CNIH3: variants seen among roughly 807,000 people sequenced by gnomAD.
CNIH3 encodes protein cornichon homolog 3.
A neutral mutation model predicts 24.1 loss-of-function variants in CNIH3; 14 were observed. That is an observed-to-expected ratio of 0.58 (90% CI 0.38 to 0.91). CNIH3 has a LOEUF of 0.91. CNIH3 is among the 40% of genes least tolerant of loss of function. The pLI, the probability that CNIH3 is intolerant of heterozygous loss-of-function variation, is 0.00. For missense variants in CNIH3, 178 were observed against 196.8 expected, an observed-to-expected ratio of 0.90 and a Z score of 0.57; for synonymous variants, 68 against 73.8, an observed-to-expected ratio of 0.92 and a Z score of 0.40.
chr1:224,700,777 C>T (rs923460693), intron 3 of CNIH3, among the ~76,000 whole-genome samples: 1 of 152,156 alleles, frequency 6.6e-6, no homozygotes, highest in African/African-American at 2.4e-5. Context: ...GAGCCTGTCC[C>T]CTGGACCTAG....
At chr1:224,670,371 C>T (rs748000354) in intron 1 of CNIH3, among the ~76,000 whole-genome samples, 109 of 152,280 alleles carry the variant, frequency 7.2e-4, no homozygotes, top group Middle Eastern at 3.4e-3. Flanking sequence ...TCCTGACCAG[C>T]GGCTCTCCTC....
At chr1:224,708,147 G>GT (rs1217477051) in intron 3 of CNIH3, among the ~76,000 whole-genome samples, 1 of 152,074 alleles carries the variant, frequency 6.6e-6, no homozygotes, top group African/African-American at 2.4e-5. Flanking sequence ...ATGCTCTTGA[G>GT]TAAGTGGAGG....
intron 1 of CNIH3, among the ~76,000 whole-genome samples, chr1:224,678,038 C>T (rs986880962): frequency 3.3e-5 from 5 of 152,146 alleles, no homozygotes; most frequent in South Asian, 2.1e-4. Flanking sequence ...CTTGGTCCCG[C>T]TTGGTCTACA....
At chr1:224,731,091 G>C (rs1689302127) in intron 4 of CNIH3, among the ~76,000 whole-genome samples, 1 of 152,174 alleles carries the variant, frequency 6.6e-6, no homozygotes, top group Non-Finnish European at 1.5e-5. Flanking sequence ...GCTGCCAGGG[G>C]CTGGGAGGGA....
upstream of CNIH3, among the ~76,000 whole-genome samples, chr1:224,613,793 G>T (rs191580650): frequency 4.2e-4 from 64 of 152,214 alleles, 1 homozygote; most frequent in South Asian, 0.012. Flanking sequence ...CCCCGAAGCC[G>T]AGCAAATGCT....
intron 1 of CNIH3, among the ~76,000 whole-genome samples, chr1:224,634,284 TAAG>T (rs1436428440): frequency 6.6e-6 from 1 of 152,118 alleles, no homozygotes; most frequent in Non-Finnish European, 1.5e-5. Flanking sequence ...TTGTGTGAAT[TAAG>T]AATAAGAAAA....
At chr1:224,452,174 G>T (rs1675427227) in intron 1 of CNIH3, among the ~76,000 whole-genome samples, 1 of 148,882 alleles carries the variant, frequency 6.7e-6, no homozygotes, top group African/African-American at 2.5e-5. Context: ...TTTTAAGATG[G>T]AGTCTCACTC....
chr1:224,546,785 C>G, intron 2 of CNIH3: 1 of 512,864 alleles, frequency 1.9e-6, no homozygotes, highest in Non-Finnish European at 2.5e-6. Context: ...TCAGCTTTGA[C>G]AAATAAAACC....
intron 4 of CNIH3, among the ~76,000 whole-genome samples, chr1:224,730,971 A>G (rs1689296154): frequency 1.3e-5 from 2 of 152,236 alleles, no homozygotes; most frequent in Non-Finnish European, 2.9e-5. Context: ...ATGAAGCCCT[A>G]AAGAAAGTAT....
At chr1:224,670,912 T>A (rs1444194582) in intron 1 of CNIH3, among the ~76,000 whole-genome samples, 1 of 152,202 alleles carries the variant, frequency 6.6e-6, no homozygotes, top group African/African-American at 2.4e-5. Flanking sequence ...TGTGAGGGTG[T>A]TTTTGGATAA....
At chr1:224,509,448 C>G (rs1334234226) in intron 1 of CNIH3, among the ~76,000 whole-genome samples, 2 of 152,152 alleles carry the variant, frequency 1.3e-5, no homozygotes, top group East Asian at 3.8e-4. Context: ...TGGCTCCATG[C>G]TTTCCTCCAG....
Position 224,474,763 on chromosome 1 carries a change from C to A in CNIH3, n.203+39901C>A, listed in dbSNP as rs557483304. Among the ~76,000 whole-genome samples the A allele has an allele frequency of 6.8e-4, 103 of 152,228 alleles. No individual in the cohort carries two copies. The East Asian group carries it at 0.013, about 19-fold the overall frequency. On this transcript the variant is annotated intron_variant and non_coding_transcript_variant, in intron 1 of 5. Coordinates refer to the CNIH3 transcript ENST00000471578. ...GAAATCGGAGCCCGGGCCGGTGGCT[C>A]ACGCCTGTAATCCCAGCACTTTGGG...
intron 1 of CNIH3, among the ~76,000 whole-genome samples, chr1:224,479,342 C>T (rs1184144632): frequency 4.6e-5 from 7 of 151,968 alleles, no homozygotes; most frequent in Admixed American, 2.0e-4. Context: ...TTAGTAGAGA[C>T]GGAGTTTCTC....
At chr1:224,694,715 G>A (rs1057284774) in intron 3 of CNIH3, among the ~76,000 whole-genome samples, 4 of 152,188 alleles carry the variant, frequency 2.6e-5, no homozygotes, top group African/African-American at 9.6e-5. Flanking sequence ...GAAAGAAAAT[G>A]TGGCATGTAT....
At chr1:224,550,549 G>T (rs1272944977) in intron 3 of CNIH3, among the ~76,000 whole-genome samples, 1 of 152,160 alleles carries the variant, frequency 6.6e-6, no homozygotes, top group African/African-American at 2.4e-5. Flanking sequence ...TGTAAACACA[G>T]GATGTTATAG....
At chr1:224,702,734 C>T (rs767041920) in intron 3 of CNIH3, among the ~76,000 whole-genome samples, 2 of 152,166 alleles carry the variant, frequency 1.3e-5, no homozygotes, top group South Asian at 2.1e-4. Context: ...GGGCACAGAC[C>T]GTGGTGTTTT....
chr1:224,608,524 G>C (rs1431805149), intron 3 of CNIH3, among the ~76,000 whole-genome samples: 2 of 152,220 alleles, frequency 1.3e-5, no homozygotes, highest in Non-Finnish European at 2.9e-5. Context: ...CTGGTAATCA[G>C]AACGGAACAG....
At chr1:224,673,261 G>A (rs978940072) in intron 1 of CNIH3, among the ~76,000 whole-genome samples, 11 of 152,140 alleles carry the variant, frequency 7.2e-5, no homozygotes, top group East Asian at 5.8e-4. Context: ...CATAAGGGCC[G>A]CATCACCAAT....
At chr1:224,737,445 G>C (rs971776387) in intron 5 of CNIH3, among the ~76,000 whole-genome samples, 2 of 152,150 alleles carry the variant, frequency 1.3e-5, no homozygotes, top group Non-Finnish European at 2.9e-5. Flanking sequence ...GGCCGCCACG[G>C]GCACCCACAT....
Sources: gnomAD v4.1 joint callset for allele counts (sites outside exome capture counted in the v4.1 genomes callset) on GRCh38, gnomAD v4.1.1 for gene constraint, MANE v1.5 for transcripts, NCBI Gene and HGNC (gene_info 2026-07-23, HGNC 2026-07-21) for gene names.